Variants in DDX5 observed in about 807,000 individuals in gnomAD.
DDX5 encodes the protein DEAD-box helicase 5.
A neutral mutation model predicts 68.6 loss-of-function variants in DDX5; 6 were observed. That is an observed-to-expected ratio of 0.09 (90% CI 0.05 to 0.17). DDX5 has a LOEUF of 0.17. Ranked by LOEUF, DDX5 falls within the 10% of genes least tolerant of loss-of-function variation. The probability of loss-of-function intolerance (pLI) is 1.00; values close to 1 mark genes in which losing one functional copy is unlikely to be tolerated. For synonymous variants in DDX5, 350 were observed against 247.0 expected (o/e 1.42, Z -3.91); for missense variants, 499 against 756.1 (o/e 0.66, Z 3.99).
At chr17:64,506,853 G>T (rs527366177), upstream of DDX5, 3 of 608,420 alleles carry the variant, frequency 4.9e-6, no homozygotes, top group East Asian at 8.3e-5. Context: ...GGTTTTGGTC[G>T]GCGGAGAATG....
chr17:64,499,846 A>G lies in DDX5; in HGVS notation c.*77T>C. 1 of 1,360,048 alleles carries G rather than the reference A, an allele frequency of 7.4e-7. No homozygotes were observed. Among genetic ancestry groups the G allele is most frequent in the South Asian group, 1.6e-5 (1 of 62,224 alleles). The allele number at this position is 1,360,048 out of a possible 1,614,324, so 84.2% of individuals were successfully genotyped here. A position where few individuals can be genotyped will look rare whatever the true frequency, so the allele number is the denominator to read the frequency against. On this transcript the variant is annotated 3_prime_UTR_variant, in exon 13 of 13. Coordinates refer to ENST00000225792, the MANE Select transcript of DDX5 (RefSeq NM_004396.5). Reference sequence around the variant, plus strand: ...ATTTCTGCAATTCCCATGTTTCTTAAATAACTATCTTGTCAGATAACACAC... The same window carrying G: ...ATTTCTGCAATTCCCATGTTTCTTAGATAACTATCTTGTCAGATAACACAC...
At position 64,498,948 on chromosome 17, in the gene DDX5, C is replaced by T. The variant is rs2038225797; in HGVS notation, c.*975G>A. Reference sequence around the variant, plus strand: ...TTTCCTTGTGTTGAGTATGAATAGACCTTACAGTTTGAGGATCTCTAGAAT... The same window carrying T: ...TTTCCTTGTGTTGAGTATGAATAGATCTTACAGTTTGAGGATCTCTAGAAT... On this transcript the variant is annotated 3_prime_UTR_variant, in exon 13 of 13. Transcript: ENST00000225792. 6.6e-6 allele frequency among the ~76,000 whole-genome samples: 1 copy of T among 152,088 alleles called. No individual in the cohort carries two copies. The highest frequency in any genetic ancestry group is 6.5e-5 in the Admixed American group (1 of 15,272).
intron 2 of DDX5, 65 bp from the exon 3 acceptor site, chr17:64,504,383 A>T: frequency 1.5e-6 from 2 of 1,367,222 alleles, no homozygotes; most frequent in Non-Finnish European, 2.1e-6. Context: ...TACGTAATTG[A>T]TAAGCCCCTA....
rs781971759 is a variant in DDX5, at chr17:64,503,362, CG to C, written c.650-15del. 3.1e-6 allele frequency: 5 copies of C among 1,614,064 alleles called. No individual in the cohort carries two copies. In the African/African-American group the frequency reaches 4.0e-5, roughly 13 times the overall value. ...AGATTTCCACACCTTTAATTAAATA[CG>C]TAAGTGTAACTACAATACCTAGGAT... is the stretch of plus-strand genomic sequence containing the variant. On this transcript the variant is annotated splice_polypyrimidine_tract_variant and intron_variant, in intron 6 of 12. Coordinates refer to ENST00000225792, the MANE Select transcript of DDX5 (RefSeq NM_004396.5).
At chr17:64,502,278 A>C (rs1598148365) in intron 9 of DDX5, 55 bp from the exon 10 acceptor site, 1 of 1,584,498 alleles carries the variant, frequency 6.3e-7, no homozygotes, top group Non-Finnish European at 8.7e-7. Context: ...CTCAGACTCC[A>C]GTGCTTGACC....
At chr17:64,503,914 C>T in intron 4 of DDX5, 46 bp from the exon 5 acceptor site, 13 of 1,612,980 alleles carry the variant, frequency 8.1e-6, no homozygotes, top group Non-Finnish European at 1.1e-5. Context: ...CATTAAAATA[C>T]TCGTTTTTAA....
At chr17:64,506,539 A>C, upstream of DDX5, 1 of 551,798 alleles carries the variant, frequency 1.8e-6, no homozygotes, top group Non-Finnish European at 2.9e-6. Flanking sequence ...CCACACCTCA[A>C]GCAAGCCACC....
intron 8 of DDX5, 63 bp downstream of exon 8, chr17:64,502,863 T>C (rs538250679): frequency 1.2e-5 from 17 of 1,455,252 alleles, no homozygotes; most frequent in African/African-American, 7.1e-5. Flanking sequence ...CACCAAACAA[T>C]GATCCCTCAA....
At position 64,500,331 on chromosome 17, in the gene DDX5, C is replaced by G; in HGVS notation, c.1442-5G>C. Reference sequence around the variant, plus strand: ...CTCCTCTACCCCTGGAACGACCTGTCAAGAAAACAATTGCAAATTGATCAA... The same window carrying G: ...CTCCTCTACCCCTGGAACGACCTGTGAAGAAAACAATTGCAAATTGATCAA... On this transcript the variant is annotated splice_polypyrimidine_tract_variant and splice_region_variant and intron_variant, in intron 12 of 12. Coordinates refer to ENST00000225792, the MANE Select transcript of DDX5 (RefSeq NM_004396.5). The G allele has an allele frequency of 1.3e-6, 2 of 1,595,448 alleles. No individual in the cohort carries two copies. Among genetic ancestry groups the G allele is most frequent in the Non-Finnish European group, 8.5e-7 (1 of 1,170,350 alleles).
chr17:64,505,794 A>G (rs1568109108), intron 1 of DDX5: 5 of 1,536,004 alleles, frequency 3.3e-6, no homozygotes, highest in Non-Finnish European at 4.4e-6. Flanking sequence ...TTTCATCCGC[A>G]CAATACGCTC....
At chr17:64,506,311 G>A (rs951264533), upstream of DDX5, 10 of 1,507,400 alleles carry the variant, frequency 6.6e-6, no homozygotes, top group East Asian at 4.9e-5. Flanking sequence ...TCCGGCAGCC[G>A]CTTTTATAGT....
chr17:64,505,167 CT>C (rs1555671971), intron 1 of DDX5: 2 of 296,916 alleles, frequency 6.7e-6, no homozygotes, highest in African/African-American at 4.4e-5. Flanking sequence ...TTACTGTAAT[CT>C]TCCCCACCAG....
In DDX5 at chr17:64,499,729, CA is replaced by C. The variant is rs756577105; in HGVS notation, c.*193del. The stretch of plus-strand genomic sequence containing the variant: ...AAAACACTGCCTGCATTTTCTAGTA[CA>C]AAAAAAACCTAAAAATTGTTTCAGG... On this transcript the variant is annotated 3_prime_UTR_variant, in exon 13 of 13. Transcript: ENST00000225792. The C allele has an allele frequency of 3.3e-5, 16 of 490,156 alleles. No individual in the cohort carries two copies. The highest frequency in any genetic ancestry group is 1.1e-4 in the South Asian group (2 of 18,548). The allele number at this position is 490,156 out of a possible 1,614,324, so 30.4% of individuals were successfully genotyped here.
chr17:64,500,386 A>G, intron 12 of DDX5, 60 bp from the exon 13 acceptor site: 1 of 1,552,018 alleles, frequency 6.4e-7, no homozygotes, highest in East Asian at 2.3e-5. Context: ...CATTGTGGAC[A>G]GAAAGAAACA....
intron 1 of DDX5, 57 bp downstream of exon 1, chr17:64,506,019 G>GTCGCCCCCCCCC: frequency 7.4e-7 from 1 of 1,360,446 alleles, no homozygotes; most frequent in Non-Finnish European, 1.0e-6. Flanking sequence ...CCGCCACCCT[G>GTCGCCCCCCCCC]ACCCGCCCTC....
At chr17:64,502,399 G>GTT in intron 9 of DDX5, 40 bp downstream of exon 9, 1 of 1,533,864 alleles carries the variant, frequency 6.5e-7, no homozygotes, top group Non-Finnish European at 9.0e-7. Flanking sequence ...TTCCTAAGCT[G>GTT]TTTTAATCAA....
chr17:64,506,086 G>A lies in DDX5; in HGVS notation c.34C>T (p.Arg12Trp), dbSNP rs782212195. The change falls in exon 1 of 13, where the codon CGG becomes TGG. Residue 12 changes from arginine to tryptophan, a missense_variant. Transcript: ENST00000225792. ...GGCTCCCAAACTCACCCTCGGTCCC[G>A]GCCGCGGTCTCGGTCACTCGAATAA... ...SGYSSDRDRG[R>W]DRGFGAPRFG... 8 of 1,341,104 alleles carry A rather than the reference G, an allele frequency of 6.0e-6. No homozygotes were observed. The highest frequency in any genetic ancestry group is 7.8e-6 in the Non-Finnish European group (8 of 1,021,074). The allele number at this position is 1,341,104 out of a possible 1,614,324, so 83.1% of individuals were successfully genotyped here. A position where few individuals can be genotyped will look rare whatever the true frequency, so the allele number is the denominator to read the frequency against.
At chr17:64,500,968 T>C (rs568618707) in intron 11 of DDX5, 195 bp from the exon 12 acceptor site, 65 of 594,164 alleles carry the variant, frequency 1.1e-4, no homozygotes, top group Non-Finnish European at 1.7e-4. Context: ...ACATGTCATC[T>C]GTATAATTCA....
chr17:64,506,032 A>ACACCC, intron 1 of DDX5, 44 bp downstream of exon 1: 5 of 442,412 alleles, frequency 1.1e-5, no homozygotes, highest in East Asian at 8.0e-5. Context: ...CCGCCCTCCC[A>ACACCC]TCCCCCCACC....
Sources: allele counts gnomAD v4.1 joint callset (sites outside exome capture counted in the v4.1 genomes callset), GRCh38; gene constraint gnomAD v4.1.1; transcripts MANE v1.5; gene names NCBI Gene and HGNC (gene_info 2026-07-23, HGNC 2026-07-21).